Variants in TAFA5 observed in about 807,000 individuals in gnomAD.
The protein encoded by TAFA5 is TAFA chemokine like family member 5.
TAFA5 carries 6 observed loss-of-function variants against 15.3 expected under a neutral mutation model. That is an observed-to-expected ratio of 0.39 (90% CI 0.21 to 0.77). The LOEUF is 0.77. TAFA5 is among the 30% of genes least tolerant of loss of function. The pLI, the probability that TAFA5 is intolerant of heterozygous loss-of-function variation, is 0.41. For synonymous variants in TAFA5, 103 were observed against 80.7 expected (o/e 1.28, Z -1.48); for missense variants, 161 against 193.1 (o/e 0.83, Z 0.98).
rs1046625562 is a variant in TAFA5, at chr22:48,742,272, A to C, written c.391-7567A>C. ...CTCATCCTTCACCAGGCACAGGTGC[A>C]CGGGGCCCCTGCCAGGTTCGGGAAA... is the stretch of plus-strand genomic sequence containing the variant. On this transcript the variant is annotated intron_variant, in intron 3 of 3. Coordinates refer to ENST00000402357, the MANE Select transcript of TAFA5 (RefSeq NM_001082967.3). This position sits in a 1 kb window ranked among gnomAD's most constrained non-coding sequence, Gnocchi z 6.2. 6.6e-6 allele frequency among the ~76,000 whole-genome samples: 1 copy of C among 151,800 alleles called. No individual in the cohort carries two copies. The highest frequency in any genetic ancestry group is 1.5e-5 in the Non-Finnish European group (1 of 67,964).
At chr22:48,596,434 C>T (rs1924767026) in intron 1 of TAFA5, among the ~76,000 whole-genome samples, 2 of 152,230 alleles carry the variant, frequency 1.3e-5, no homozygotes. Context: ...AATATTCTGT[C>T]AAGGGGCAAG....
intron 1 of TAFA5, among the ~76,000 whole-genome samples, chr22:48,507,063 A>G (rs1022936480): frequency 2.0e-5 from 3 of 152,170 alleles, no homozygotes; most frequent in Non-Finnish European, 4.4e-5. Flanking sequence ...GTGCAGTTGG[A>G]GAAGGAGATG....
chr22:48,700,837 T>TC (rs1465081277), intron 2 of TAFA5, among the ~76,000 whole-genome samples: 3 of 152,166 alleles, frequency 2.0e-5, no homozygotes, highest in Non-Finnish European at 2.9e-5. Flanking sequence ...AGATGTCTGA[T>TC]CCTGTATGGC....
At chr22:48,690,302 T>C (rs904312018) in intron 2 of TAFA5, among the ~76,000 whole-genome samples, 8 of 152,096 alleles carry the variant, frequency 5.3e-5, no homozygotes, top group Non-Finnish European at 1.2e-4. Flanking sequence ...GAGAACCACC[T>C]TGAGTGGACT....
intron 1 of TAFA5, among the ~76,000 whole-genome samples, chr22:48,558,984 G>A (rs760164564): frequency 1.3e-5 from 2 of 152,250 alleles, no homozygotes; most frequent in South Asian, 2.1e-4. Flanking sequence ...GGCCCAGGGC[G>A]ATGGCATTTG....
rs73173412 is a variant in TAFA5 at position 48,566,757 on chromosome 22, A to G, written c.112+77053A>G. Among the ~76,000 whole-genome samples the G allele has an allele frequency of 0.18, 27,829 of 151,978 alleles. 2,915 individuals carry two copies. The highest frequency in any genetic ancestry group is 0.23 in the Non-Finnish European group (15,914 of 67,956). On this transcript the variant is annotated intron_variant, in intron 1 of 3. Transcript: ENST00000402357. This position sits in a 1 kb window ranked among gnomAD's most constrained non-coding sequence, Gnocchi z 4.5. ...GTGTAAAGGGTGTGGCCTGTAGAGA[A>G]CCCAGCCCCTGATCATGCTCTCCTC...
intron 2 of TAFA5, among the ~76,000 whole-genome samples, chr22:48,675,461 C>G (rs77415227): frequency 0.01 from 1,580 of 152,356 alleles, 9 homozygotes; most frequent in Middle Eastern, 0.024. Context: ...GGCCCATACA[C>G]CCACTTGTGG....
chr22:48,731,760 A>G (rs1475667280), intron 3 of TAFA5, among the ~76,000 whole-genome samples: 3 of 152,226 alleles, frequency 2.0e-5, no homozygotes, highest in Non-Finnish European at 4.4e-5. Flanking sequence ...TGATCACCCA[A>G]GATCTCGGAT....
intron 1 of TAFA5, among the ~76,000 whole-genome samples, chr22:48,494,500 A>G (rs1928258272): frequency 6.6e-6 from 1 of 152,204 alleles, no homozygotes; most frequent in South Asian, 2.1e-4. Context: ...ACTGTTTGTT[A>G]GGAGAACTGT....
At chr22:48,571,594 T>TG in intron 1 of TAFA5, among the ~76,000 whole-genome samples, 1 of 141,992 alleles carries the variant, frequency 7.0e-6, no homozygotes, top group Admixed American at 7.0e-5. Flanking sequence ...TTTTTTTTTT[T>TG]TTTTTTTTTT....
chr22:48,729,016 C>T (rs572008734), intron 3 of TAFA5, among the ~76,000 whole-genome samples: 1 of 151,942 alleles, frequency 6.6e-6, no homozygotes, highest in East Asian at 1.9e-4. Flanking sequence ...GTGTATCGAT[C>T]GCTAAATCTG....
chr22:48,620,601 A>ATCTACCCCCCCACCATCC (rs1555893262), intron 1 of TAFA5, among the ~76,000 whole-genome samples: 5 of 16,778 alleles, frequency 3.0e-4, no homozygotes, highest in Admixed American at 1.4e-3. Flanking sequence ...CCACCCCCCT[A>ATCTACCCCCCCACCATCC]CCCATCCTAT....
At chr22:48,494,132 C>T (rs952811801) in intron 1 of TAFA5, among the ~76,000 whole-genome samples, 6 of 152,110 alleles carry the variant, frequency 3.9e-5, no homozygotes, top group African/African-American at 1.4e-4. Flanking sequence ...TCGACATGCT[C>T]GGAATGAAAT....
chr22:48,692,162 C>T (rs1928564106), intron 2 of TAFA5, among the ~76,000 whole-genome samples: 1 of 151,996 alleles, frequency 6.6e-6, no homozygotes, highest in African/African-American at 2.4e-5. Context: ...AGGAGACCCT[C>T]CCTTCCTTCA....
intron 2 of TAFA5, among the ~76,000 whole-genome samples, chr22:48,677,972 A>G (rs989455384): frequency 6.6e-5 from 10 of 151,722 alleles, no homozygotes; most frequent in African/African-American, 2.4e-4. Context: ...CTAGACCCCG[A>G]GAGCTCACTC....
chr22:48,648,689 T>A (rs1486373850), intron 2 of TAFA5, among the ~76,000 whole-genome samples: 1 of 151,960 alleles, frequency 6.6e-6, no homozygotes, highest in Non-Finnish European at 1.5e-5. Flanking sequence ...AAATACAAAA[T>A]TACCCGGGCG....
chr22:48,576,300 G>GCCCCC, intron 1 of TAFA5: 2 of 1,103,030 alleles, frequency 1.8e-6, no homozygotes, highest in Non-Finnish European at 2.2e-6. Flanking sequence ...CCTCCCCCCT[G>GCCCCC]CCCAGAAAGA....
At chr22:48,615,324 G>A (rs570527759) in intron 1 of TAFA5, among the ~76,000 whole-genome samples, 2 of 152,328 alleles carry the variant, frequency 1.3e-5, no homozygotes, top group South Asian at 2.1e-4. Context: ...GGCTCGGTCC[G>A]ACGAGCTTGT....
chr22:48,682,940 G>T (rs901119819), intron 2 of TAFA5, among the ~76,000 whole-genome samples: 1 of 152,114 alleles, frequency 6.6e-6, no homozygotes, highest in Non-Finnish European at 1.5e-5. Flanking sequence ...TTTGATTTCC[G>T]TCTCTCCCCT....
Sources: allele counts gnomAD v4.1 joint callset (sites outside exome capture counted in the v4.1 genomes callset), GRCh38; gene constraint gnomAD v4.1.1; non-coding constraint Gnocchi (gnomAD v3.1); transcripts MANE v1.5; gene names NCBI Gene and HGNC (gene_info 2026-07-23, HGNC 2026-07-21).